The following CACNA1D variants were observed in gnomAD, a reference collection of about 807,000 sequenced individuals.
CACNA1D encodes voltage-dependent L-type calcium channel subunit alpha-1D.
Under a neutral mutation model 257.1 loss-of-function variants are expected in CACNA1D, and 55 were observed. The ratio of observed to expected loss-of-function variants is 0.21; its 90% CI spans 0.17 to 0.27. The LOEUF is 0.27. Among genes scored for constraint, CACNA1D ranks in the 10% least tolerant of loss-of-function variants. The probability of loss-of-function intolerance (pLI) is 1.00; values close to 1 mark genes in which losing one functional copy is unlikely to be tolerated. For missense variants in CACNA1D, 1,876 were observed against 2,784.0 expected (o/e 0.67, Z 7.34); for synonymous variants, 980 against 1,014.9 (o/e 0.97, Z 0.65).
intron 8 of CACNA1D, among the ~76,000 whole-genome samples, chr3:53,684,830 AAATAATATG>A (rs1252445618): frequency 1.3e-5 from 2 of 152,144 alleles, no homozygotes; most frequent in African/African-American, 4.8e-5. Context: ...CTACATTTTG[AAATAATATG>A]AATTCATGGT....
chr3:53,670,090 G>A (rs978846103), intron 7 of CACNA1D, among the ~76,000 whole-genome samples: 4 of 152,104 alleles, frequency 2.6e-5, no homozygotes, highest in Non-Finnish European at 5.9e-5. Context: ...TCTTTTCTCA[G>A]TGCACACTCC....
chr3:53,797,910 C>G (rs1398146336), intron 40 of CACNA1D: 1 of 152,160 alleles, frequency 6.6e-6, no homozygotes, highest in African/African-American at 2.4e-5. Context: ...GGGGTGTTGA[C>G]TTAAGTGCAT....
At chr3:53,553,596 AGTT>A (rs2092579593) in intron 3 of CACNA1D, among the ~76,000 whole-genome samples, 1 of 152,180 alleles carries the variant, frequency 6.6e-6, no homozygotes, top group Non-Finnish European at 1.5e-5. Context: ...AAAAAGAAAT[AGTT>A]GTTACATTTG....
At chr3:53,520,849 C>CTCTTTCTTTCTTTCTTT (rs746194735) in intron 3 of CACNA1D, among the ~76,000 whole-genome samples, 1 of 133,000 alleles carries the variant, frequency 7.5e-6, no homozygotes, top group Admixed American at 7.7e-5. Context: ...TTTGCAAACT[C>CTCTTTCTTTCTTTCTTT]CTTTCTTTCT....
chr3:53,751,853 C>G lies in CACNA1D; in HGVS notation c.3621C>G (p.Phe1207Leu). Residue 1207 changes from phenylalanine to leucine, a missense_variant, in exon 28 of 48, where the codon TTC becomes TTG. Phe to Leu is a conservative substitution (Grantham distance 22). Coordinates refer to ENST00000350061, the MANE Select transcript of CACNA1D (RefSeq NM_001128840.3). The surrounding 1 kb of genome is among the most constrained non-coding windows in gnomAD (Gnocchi z 4.3). Reference sequence around the variant, plus strand: ...GGTACGTGGTGAACTCTTCGCCTTTCGAATACATGATGTTTGTCCTCATCA... The same window carrying G: ...GGTACGTGGTGAACTCTTCGCCTTTGGAATACATGATGTTTGTCCTCATCA... The part of the protein sequence containing the change: ...KFWYVVNSSP[F>L]EYMMFVLIML... 1 of 1,614,088 alleles carries G rather than the reference C, an allele frequency of 6.2e-7. No homozygotes were observed. Among genetic ancestry groups the G allele is most frequent in the Non-Finnish European group, 8.5e-7 (1 of 1,180,004 alleles).
chr3:53,616,422 T>C (rs1414244842), intron 3 of CACNA1D, among the ~76,000 whole-genome samples: 1 of 152,218 alleles, frequency 6.6e-6, no homozygotes, highest in Non-Finnish European at 1.5e-5. Flanking sequence ...TGTGTCTTCC[T>C]GTCCCCTCTT....
intron 10 of CACNA1D, chr3:53,718,809 A>G (rs1188794272): frequency 1.5e-6 from 2 of 1,326,428 alleles, no homozygotes; most frequent in African/African-American, 2.9e-5. Flanking sequence ...CTTCTGTGGC[A>G]GAGTTGCTGA....
chr3:53,740,567 G>GTTT, intron 21 of CACNA1D: 1 of 372,340 alleles, frequency 2.7e-6, no homozygotes, highest in Non-Finnish European at 4.9e-6. Flanking sequence ...TTTTTTATGG[G>GTTT]TTTTTTTTTT....
chr3:53,620,846 A>AC (rs2093689275), intron 3 of CACNA1D, among the ~76,000 whole-genome samples: 1 of 152,212 alleles, frequency 6.6e-6, no homozygotes, highest in Non-Finnish European at 1.5e-5. Context: ...GCCTCCAGGA[A>AC]CTTTTAGCAT....
At chr3:53,804,468 A>G (rs1371915657) in intron 44 of CACNA1D, among the ~76,000 whole-genome samples, 8 of 151,786 alleles carry the variant, frequency 5.3e-5, no homozygotes, top group Non-Finnish European at 4.4e-5. Flanking sequence ...TTTTATTTCC[A>G]TGACTGGAAT....
chr3:53,781,787 C>A, intron 39 of CACNA1D, 120 bp downstream of exon 39: 2 of 760,746 alleles, frequency 2.6e-6, no homozygotes, highest in Non-Finnish European at 4.8e-6. Context: ...AGCATTAAGG[C>A]CAACTGATAA....
chr3:53,530,453 G>A (rs1319326837), intron 3 of CACNA1D: 1 of 152,206 alleles, frequency 6.6e-6, no homozygotes, highest in African/African-American at 2.4e-5. Context: ...GGAATCTAGA[G>A]GATGGCACCT....
chr3:53,580,952 A>G (rs985885768), intron 3 of CACNA1D, among the ~76,000 whole-genome samples: 2 of 152,210 alleles, frequency 1.3e-5, no homozygotes, highest in African/African-American at 2.4e-5. Context: ...AGGTAAAGAA[A>G]AGGGCACTGA....
intron 3 of CACNA1D, among the ~76,000 whole-genome samples, chr3:53,555,461 T>TGTG (rs533515957): frequency 0.025 from 2,413 of 97,864 alleles, 30 homozygotes; most frequent in African/African-American, 0.094. Context: ...TGTGTGTGTG[T>TGTG]TTTTTTTTTT....
At position 53,740,365 on chromosome 3, in the gene CACNA1D, A is replaced by G. The variant is rs748959993; in HGVS notation, c.2811+26A>G. 5 of 1,484,656 alleles carry G rather than the reference A, an allele frequency of 3.4e-6. No homozygotes were observed. The East Asian group carries it at 6.8e-5, about 20-fold the overall frequency. The allele number at this position is 1,484,656 out of a possible 1,614,324, so 92.0% of individuals were successfully genotyped here. A position where few individuals can be genotyped will look rare whatever the true frequency, so the allele number is the denominator to read the frequency against. Reference sequence around the variant, plus strand: ...GTAATGAATTTTCCTTGATCTTCACATACTCCACAGCAGCTGGAGCAATAA... The same window carrying G: ...GTAATGAATTTTCCTTGATCTTCACGTACTCCACAGCAGCTGGAGCAATAA... On this transcript the variant is annotated intron_variant, in intron 21 of 47. Transcript: ENST00000350061.
At chr3:53,502,307 A>G (rs949503390) in intron 3 of CACNA1D, among the ~76,000 whole-genome samples, 1 of 152,296 alleles carries the variant, frequency 6.6e-6, no homozygotes, top group Non-Finnish European at 1.5e-5. Flanking sequence ...TTGTATGGTT[A>G]AATAAATCAG....
intron 29 of CACNA1D, among the ~76,000 whole-genome samples, chr3:53,755,947 G>A (rs914387077): frequency 6.6e-6 from 1 of 152,182 alleles, no homozygotes; most frequent in Non-Finnish European, 1.5e-5. Context: ...TGCAGAAGGA[G>A]GAATATTCTG....
chr3:53,805,332 G>C, intron 45 of CACNA1D, 186 bp downstream of exon 45: 1 of 632,160 alleles, frequency 1.6e-6, no homozygotes, highest in South Asian at 1.9e-5. Flanking sequence ...TCACGTGATA[G>C]AGCTCTAGCC....
chr3:53,691,902 T>G lies in CACNA1D; in HGVS notation c.1221-10739T>G, dbSNP rs571761955. Reference sequence around the variant, plus strand: ...TATAATATATATTATATATATTACATATATTATATATAATATATATTATAT... The same window carrying G: ...TATAATATATATTATATATATTACAGATATTATATATAATATATATTATAT... On this transcript the variant is annotated intron_variant, in intron 8 of 47. Coordinates refer to ENST00000350061, the MANE Select transcript of CACNA1D (RefSeq NM_001128840.3). Among the ~76,000 whole-genome samples the G allele has an allele frequency of 3.6e-4, 12 of 33,150 alleles. No homozygotes were observed. The East Asian group carries it at 5.2e-3, about 14-fold the overall frequency. 21.7% of individuals were successfully genotyped at this position (33,150 alleles called of 152,430 possible).
Sources: allele counts gnomAD v4.1 joint callset (sites outside exome capture counted in the v4.1 genomes callset), GRCh38; gene constraint gnomAD v4.1.1; non-coding constraint Gnocchi (gnomAD v3.1); transcripts MANE v1.5; gene names NCBI Gene and HGNC (gene_info 2026-07-23, HGNC 2026-07-21).